Variants in STX1B observed in about 807,000 individuals in gnomAD.
STX1B encodes the protein syntaxin 1B.
Under a neutral mutation model 39.4 loss-of-function variants are expected in STX1B, and 7 were observed. The ratio of observed to expected loss-of-function variants is 0.18; its 90% CI spans 0.10 to 0.33. STX1B has a LOEUF of 0.33. Ranked by LOEUF, STX1B falls within the 10% of genes least tolerant of loss-of-function variation. The pLI, the probability that STX1B is intolerant of heterozygous loss-of-function variation, is 1.00. For synonymous variants in STX1B, 136 were observed against 144.1 expected, an observed-to-expected ratio of 0.94 and a Z score of 0.40; for missense variants, 198 against 383.2, an observed-to-expected ratio of 0.52 and a Z score of 4.04.
chr16:30,999,060 C>T lies in STX1B; in HGVS notation c.281-1485G>A, dbSNP rs539459512. On this transcript the variant is annotated intron_variant, in intron 4 of 9. Coordinates refer to ENST00000215095, the MANE Select transcript of STX1B (RefSeq NM_052874.5). ...GTATTTTGATGCCCTCCACCCCCCACCCCCAAAACAAGCTAATTTTGAAAT... is the reference window on the plus strand; with the variant it reads ...GTATTTTGATGCCCTCCACCCCCCATCCCCAAAACAAGCTAATTTTGAAAT... Among the ~76,000 whole-genome samples, 8 of 152,250 alleles carry T rather than the reference C, an allele frequency of 5.3e-5. No homozygotes were observed. The South Asian group carries it at 1.7e-3, about 32-fold the overall frequency.
intron 7 of STX1B, chr16:30,996,167 C>T (rs2143667410): frequency 6.6e-6 from 1 of 151,296 alleles, no homozygotes; most frequent in East Asian, 2.0e-4. Context: ...AAGAGCAAAA[C>T]TCCGTCTTGA....
rs1444880845 is a variant in STX1B at position 30,990,644 on chromosome 16, T to C, written c.*2177A>G. ...CTTGCCTGTGCACACATAAGCCCCA[T>C]GCCAGGGCATGGCACATTTGTGTAC... is the stretch of plus-strand genomic sequence containing the variant. On this transcript the variant is annotated 3_prime_UTR_variant, in exon 10 of 10. Transcript: ENST00000215095. 3 of 152,260 alleles carry C rather than the reference T, an allele frequency of 2.0e-5. No homozygotes were observed. Among genetic ancestry groups the C allele is most frequent in the Non-Finnish European group, 4.4e-5 (3 of 68,068 alleles). 9.4% of individuals were successfully genotyped at this position (152,260 alleles called of 1,614,324 possible). A position where few individuals can be genotyped will look rare whatever the true frequency, so the allele number is the denominator to read the frequency against.
intron 7 of STX1B, among the ~76,000 whole-genome samples, chr16:30,996,038 A>C (rs185597850): frequency 6.6e-6 from 1 of 151,636 alleles, no homozygotes; most frequent in African/African-American, 2.4e-5. Context: ...TTTTAGGCCG[A>C]GTGGTGGGCG....
chr16:31,010,373 C>A lies in STX1B; in HGVS notation c.24G>T (p.Leu8=). The A allele has an allele frequency of 6.6e-7, 1 of 1,505,928 alleles. No homozygotes were observed. Among genetic ancestry groups the A allele is most frequent in the East Asian group, 2.5e-5 (1 of 39,274 alleles). 93.3% of individuals were successfully genotyped at this position (1,505,928 alleles called of 1,614,324 possible). A position where few individuals can be genotyped will look rare whatever the true frequency, so the allele number is the denominator to read the frequency against. MKDRTQE[L]RSAKDSDDEE... ...TCCCCACCCCCAAGCTCACACTCCG[C>A]AGCTCTTGAGTCCGATCCTTCATCC... The change falls in exon 1 of 10, where the codon CTG becomes CTT. Residue 8 remains leucine (L), a synonymous_variant. Coordinates refer to ENST00000215095, the MANE Select transcript of STX1B (RefSeq NM_052874.5).
In STX1B at chr16:31,000,950, G is replaced by T; in HGVS notation, c.258C>A (p.Asn86Lys). Residue 86 changes from asparagine (N) to lysine (K), a missense_variant, in exon 4 of 10, where the codon AAC becomes AAA. Coordinates refer to ENST00000215095, the MANE Select transcript of STX1B (RefSeq NM_052874.5). ...DLTADIKKTA[N>K]KVRSKLKAIE... The stretch of plus-strand genomic sequence containing the variant: ...CACCTTTCAATTTGGACCGAACCTT[G>T]TTGGCCGTCTTCTTGATGTCTGCAG... 1 of 1,614,126 alleles carries T rather than the reference G, an allele frequency of 6.2e-7. No individual in the cohort carries two copies. Among genetic ancestry groups the T allele is most frequent in the Non-Finnish European group, 8.5e-7 (1 of 1,180,030 alleles).
In STX1B at chr16:31,001,471, G is replaced by C. The variant is rs1297129724; in HGVS notation, c.105+58C>G. On this transcript the variant is annotated intron_variant, in intron 2 of 9. Transcript: ENST00000215095. The surrounding 1 kb of genome is among the most constrained non-coding windows in gnomAD (Gnocchi z 5.5). ...GGCTGAGGCTGGGCGGTGGGACTAG[G>C]GGCTGGGGCTGGGTGCTGGGGCTGG... 7.3e-7 allele frequency: 1 copy of C among 1,364,616 alleles called. No individual in the cohort carries two copies. Among genetic ancestry groups the C allele is most frequent in the African/African-American group, 1.4e-5 (1 of 70,026 alleles). 84.5% of individuals were successfully genotyped at this position (1,364,616 alleles called of 1,614,324 possible). A position where few individuals can be genotyped will look rare whatever the true frequency, so the allele number is the denominator to read the frequency against.
chr16:30,992,724 G>T lies in STX1B; in HGVS notation c.*97C>A. ...GGGGCTGCCTGGGTCTGTTTTGGGAGTGAGCCTGGAGCAGGGGATGGAGTG... is the reference window on the plus strand; with the variant it reads ...GGGGCTGCCTGGGTCTGTTTTGGGATTGAGCCTGGAGCAGGGGATGGAGTG... On this transcript the variant is annotated 3_prime_UTR_variant, in exon 10 of 10. Transcript: ENST00000215095. 2.7e-6 allele frequency: 2 copies of T among 747,252 alleles called. No individual in the cohort carries two copies. Among genetic ancestry groups the T allele is most frequent in the Non-Finnish European group, 4.5e-6 (2 of 442,226 alleles). The allele number at this position is 747,252 out of a possible 1,614,324, so 46.3% of individuals were successfully genotyped here.
chr16:31,002,532 C>T (rs536540905), intron 1 of STX1B, among the ~76,000 whole-genome samples: 2 of 152,336 alleles, frequency 1.3e-5, no homozygotes, highest in East Asian at 3.9e-4. Context: ...CACTGGCTTT[C>T]AGCTGCACCC....
Position 31,001,044 on chromosome 16 carries a change from C to T in STX1B, c.206-42G>A. 6.2e-7 allele frequency: 1 copy of T among 1,613,286 alleles called. No homozygotes were observed. Among genetic ancestry groups the T allele is most frequent in the Non-Finnish European group, 8.5e-7 (1 of 1,179,198 alleles). On this transcript the variant is annotated intron_variant, in intron 3 of 9. Transcript: ENST00000215095. The surrounding 1 kb of genome is among the most constrained non-coding windows in gnomAD (Gnocchi z 5.5). ...GGCAAGTGAGATGTCTGGGTGGGAA[C>T]CCCAGGCCCCTTCTCCTCCCACCCC...
chr16:31,002,920 C>T (rs1384071693), intron 1 of STX1B, among the ~76,000 whole-genome samples: 2 of 152,168 alleles, frequency 1.3e-5, no homozygotes, highest in Non-Finnish European at 2.9e-5. Flanking sequence ...AGGGTCCCAG[C>T]GGAACGCAGA....
rs994660213 is a variant in STX1B at position 30,996,948 on chromosome 16, C to A, written c.463+3G>T. On this transcript the variant is annotated splice_donor_region_variant and intron_variant, in intron 6 of 9. Transcript: ENST00000215095. ...GGGGTCCTGGGGTGGGGGGCACACG[C>A]ACTGATCTCCAGTTGCCGCTGGATC... 3.1e-6 allele frequency: 5 copies of A among 1,611,816 alleles called. No homozygotes were observed. Among genetic ancestry groups the A allele is most frequent in the Non-Finnish European group, 3.4e-6 (4 of 1,179,094 alleles).
At chr16:30,997,453 C>CTCCCGAGCTGGG (rs1324674482) in intron 5 of STX1B, 49 bp downstream of exon 5, 2 of 1,529,676 alleles carry the variant, frequency 1.3e-6, no homozygotes. Flanking sequence ...GCCTGGGCTC[C>CTCCCGAGCTGGG]TCCCGAGCTG....
chr16:30,990,006 C>G lies in STX1B; in HGVS notation c.*2815G>C. On this transcript the variant is annotated 3_prime_UTR_variant, in exon 10 of 10. Transcript: ENST00000215095. Reference sequence around the variant, plus strand: ...GACAACATGCCAGGACGCACACAGACAGCAGCCAACAAGCAGGCACATCAT... The same window carrying G: ...GACAACATGCCAGGACGCACACAGAGAGCAGCCAACAAGCAGGCACATCAT... 6.6e-6 allele frequency: 1 copy of G among 152,606 alleles called. No individual in the cohort carries two copies. The allele number at this position is 152,606 out of a possible 1,614,324, so 9.5% of individuals were successfully genotyped here.
chr16:31,005,289 GA>G (rs1329043311), intron 1 of STX1B, among the ~76,000 whole-genome samples: 2 of 152,074 alleles, frequency 1.3e-5, no homozygotes, highest in Non-Finnish European at 2.9e-5. Flanking sequence ...GGGCAAACCA[GA>G]CTACCTAGGA....
intron 1 of STX1B, among the ~76,000 whole-genome samples, chr16:31,003,939 G>T (rs548098355): frequency 3.7e-4 from 57 of 152,312 alleles, no homozygotes; most frequent in African/African-American, 1.3e-3. Context: ...AAAGGAGAGT[G>T]ACTTGCCCAA....
At chr16:30,994,190 T>G (rs1482080713) in intron 7 of STX1B, among the ~76,000 whole-genome samples, 6 of 145,506 alleles carry the variant, frequency 4.1e-5, no homozygotes, top group South Asian at 2.2e-4. Context: ...AACTTGGGAG[T>G]CTGAGGCAGG....
intron 7 of STX1B, among the ~76,000 whole-genome samples, chr16:30,993,837 T>C (rs1224653063): frequency 6.6e-6 from 1 of 151,980 alleles, no homozygotes; most frequent in African/African-American, 2.4e-5. Context: ...ATATAAAAAT[T>C]AGCCTGGTGT....
At chr16:31,007,613 C>T (rs2056661161) in intron 1 of STX1B, among the ~76,000 whole-genome samples, 1 of 152,186 alleles carries the variant, frequency 6.6e-6, no homozygotes, top group Admixed American at 6.5e-5. Flanking sequence ...TGGTTCAAGC[C>T]CACCTCAACC....
rs2056569165 is a variant in STX1B at position 30,992,787 on chromosome 16, G to A, written c.*34C>T. ...GGGGTATTGCTCCCGATGTGGTGGG[G>A]GAAGGGTCTGGGAGAGAGAAGGGTG... On this transcript the variant is annotated 3_prime_UTR_variant, in exon 10 of 10. Coordinates refer to ENST00000215095, the MANE Select transcript of STX1B (RefSeq NM_052874.5). 3 of 1,419,322 alleles carry A rather than the reference G, an allele frequency of 2.1e-6. No homozygotes were observed. Among genetic ancestry groups the A allele is most frequent in the African/African-American group, 1.4e-5 (1 of 70,782 alleles). 87.9% of individuals were successfully genotyped at this position (1,419,322 alleles called of 1,614,324 possible). A position where few individuals can be genotyped will look rare whatever the true frequency, so the allele number is the denominator to read the frequency against.
Sources: gnomAD v4.1 joint callset for allele counts (sites outside exome capture counted in the v4.1 genomes callset) on GRCh38, gnomAD v4.1.1 for gene constraint, Gnocchi (gnomAD v3.1) non-coding constraint, MANE v1.5 for transcripts, NCBI Gene and HGNC (gene_info 2026-07-23, HGNC 2026-07-21) for gene names.